The following WWOX variants were observed in gnomAD, a reference collection of about 807,000 sequenced individuals.
The protein encoded by WWOX is WW domain-containing oxidoreductase.
In WWOX, 69 loss-of-function variants were observed where a neutral mutation model predicts 46.2. The observed-to-expected ratio is 1.49, with a 90% CI of 1.23 to 1.82. The LOEUF (loss-of-function observed/expected upper bound fraction) is 1.82. WWOX is among the 40% of genes most tolerant of loss of function. The pLI is 0.00. For missense variants in WWOX, 919 were observed against 542.6 expected (o/e 1.69, Z -6.89); for synonymous variants, 359 against 202.6 (o/e 1.77, Z -6.56).
intron 8 of WWOX, among the ~76,000 whole-genome samples, chr16:78,771,459 C>A (rs1047933372): frequency 6.6e-6 from 1 of 152,128 alleles, no homozygotes; most frequent in African/African-American, 2.4e-5. Context: ...ATTAATGCCA[C>A]GGAATTGTAT....
At chr16:79,072,221 G>C (rs2048564695) in intron 8 of WWOX, among the ~76,000 whole-genome samples, 1 of 152,162 alleles carries the variant, frequency 6.6e-6, no homozygotes, top group Admixed American at 6.5e-5. Flanking sequence ...AGGGGGTTGA[G>C]GCTGCAGTGA....
At position 78,574,124 on chromosome 16, in the gene WWOX, A is replaced by G. The variant is rs1196752189; in HGVS notation, c.1056+141372A>G. On this transcript the variant is annotated intron_variant, in intron 8 of 8. Coordinates refer to ENST00000566780, the MANE Select transcript of WWOX (RefSeq NM_016373.4). ...TGGCTGGAGGTACCCCTCAGCTCCTAGAGGCATCAACAGTTCCTGAATATC... is the reference window on the plus strand; with the variant it reads ...TGGCTGGAGGTACCCCTCAGCTCCTGGAGGCATCAACAGTTCCTGAATATC... Among the ~76,000 whole-genome samples the G allele has an allele frequency of 2.0e-5, 3 of 152,156 alleles. No homozygotes were observed. The East Asian group carries it at 5.8e-4, about 29-fold the overall frequency.
intron 8 of WWOX, among the ~76,000 whole-genome samples, chr16:78,681,117 C>T (rs573313736): frequency 1.1e-4 from 16 of 152,228 alleles, no homozygotes; most frequent in African/African-American, 3.4e-4. Flanking sequence ...AGCGTGGTGG[C>T]GCATGCCTGT....
intron 8 of WWOX, among the ~76,000 whole-genome samples, chr16:79,152,961 G>A (rs920014237): frequency 3.3e-5 from 5 of 152,148 alleles, no homozygotes; most frequent in Non-Finnish European, 7.3e-5. Flanking sequence ...CCTAGCGTGA[G>A]AGTGTCAGGG....
chr16:78,829,236 C>T (rs1394677700), intron 8 of WWOX, among the ~76,000 whole-genome samples: 2 of 152,140 alleles, frequency 1.3e-5, no homozygotes, highest in Admixed American at 1.3e-4. Context: ...GCCCAGAAGT[C>T]CCAAGAAGTG....
chr16:78,508,169 T>C (rs1447323551), intron 8 of WWOX, among the ~76,000 whole-genome samples: 3 of 152,012 alleles, frequency 2.0e-5, no homozygotes. Context: ...CCACCAAGCT[T>C]TGCTAATTTT....
At chr16:79,125,593 C>A (rs965267946) in intron 8 of WWOX, among the ~76,000 whole-genome samples, 2 of 151,780 alleles carry the variant, frequency 1.3e-5, no homozygotes, top group African/African-American at 2.4e-5. Context: ...TGTAGCTGGA[C>A]CCTTGGGATG....
At chr16:78,574,817 G>C (rs1157314419) in intron 8 of WWOX, among the ~76,000 whole-genome samples, 1 of 150,176 alleles carries the variant, frequency 6.7e-6, no homozygotes, top group African/African-American at 2.4e-5. Context: ...GTGAAGTGGG[G>C]AGGTGTTGAT....
chr16:78,702,231 G>A (rs141918958), intron 8 of WWOX, among the ~76,000 whole-genome samples: 207 of 149,984 alleles, frequency 1.4e-3, no homozygotes, highest in African/African-American at 4.7e-3. Flanking sequence ...AGTGAGCAGT[G>A]ATGACTCCAC....
intron 8 of WWOX, among the ~76,000 whole-genome samples, chr16:79,174,244 C>T (rs1309144205): frequency 2.0e-5 from 3 of 152,210 alleles, no homozygotes; most frequent in African/African-American, 4.8e-5. Context: ...CAATGCTGTA[C>T]ACTTTGTTTC....
intron 6 of WWOX, among the ~76,000 whole-genome samples, chr16:78,397,408 G>T (rs2151941653): frequency 6.6e-6 from 1 of 152,282 alleles, no homozygotes; most frequent in Non-Finnish European, 1.5e-5. Flanking sequence ...AATGGCAGAA[G>T]AATGGCAGTG....
At chr16:78,171,790 G>A (rs183629947) in intron 5 of WWOX, among the ~76,000 whole-genome samples, 458 of 152,226 alleles carry the variant, frequency 3.0e-3, no homozygotes, top group Non-Finnish European at 4.3e-3. Context: ...CTGCAAACCA[G>A]CAAGAACTAT....
At chr16:78,826,509 C>G (rs1412823124) in intron 8 of WWOX, among the ~76,000 whole-genome samples, 2 of 152,168 alleles carry the variant, frequency 1.3e-5, no homozygotes, top group Non-Finnish European at 2.9e-5. Context: ...CCATATCACT[C>G]CAATCCCTGC....
In WWOX at chr16:78,342,471, G is replaced by A. The variant is rs918400161; in HGVS notation, c.517-44389G>A. 3.7e-4 allele frequency among the ~76,000 whole-genome samples: 44 copies of A among 120,060 alleles called. 13 individuals are homozygous for A. The highest frequency in any genetic ancestry group is 9.9e-5 in the Non-Finnish European group (5 of 50,378). 78.8% of individuals were successfully genotyped at this position (120,060 alleles called of 152,430 possible). Reference sequence around the variant, plus strand: ...GCATTTTTTATGGGCAGGTTTGCACGTGGCATTTGTTGCTTCCATCAACAT... The same window carrying A: ...GCATTTTTTATGGGCAGGTTTGCACATGGCATTTGTTGCTTCCATCAACAT... On this transcript the variant is annotated intron_variant, in intron 5 of 8. Transcript: ENST00000566780.
At chr16:78,483,464 A>G (rs1016233089) in intron 8 of WWOX, among the ~76,000 whole-genome samples, 1 of 149,148 alleles carries the variant, frequency 6.7e-6, no homozygotes, top group African/African-American at 2.5e-5. Context: ...GGTCTTTAGC[A>G]AAGGAAGTAA....
chr16:79,070,058 C>A (rs557795558), intron 8 of WWOX, among the ~76,000 whole-genome samples: 20 of 152,244 alleles, frequency 1.3e-4, no homozygotes, highest in African/African-American at 4.6e-4. Context: ...GCAGAATATT[C>A]CTAATATAGT....
intron 8 of WWOX, among the ~76,000 whole-genome samples, chr16:79,112,317 A>G (rs1446628978): frequency 6.6e-6 from 1 of 152,212 alleles, no homozygotes; most frequent in Admixed American, 6.5e-5. Flanking sequence ...ATGTCAAGTC[A>G]CCAAACCTTC....
chr16:79,160,682 A>C (rs2050468323), intron 8 of WWOX, among the ~76,000 whole-genome samples: 1 of 152,234 alleles, frequency 6.6e-6, no homozygotes, highest in Non-Finnish European at 1.5e-5. Flanking sequence ...CGTCCCATAC[A>C]ATCTTGGCAG....
intron 4 of WWOX, among the ~76,000 whole-genome samples, chr16:78,153,831 G>A (rs2034503582): frequency 6.6e-6 from 1 of 152,128 alleles, no homozygotes; most frequent in Non-Finnish European, 1.5e-5. Context: ...TCCACAATAT[G>A]GAGAAAATTA....
Sources: gnomAD v4.1 joint callset for allele counts (sites outside exome capture counted in the v4.1 genomes callset) on GRCh38, gnomAD v4.1.1 for gene constraint, MANE v1.5 for transcripts, NCBI Gene and HGNC (gene_info 2026-07-23, HGNC 2026-07-21) for gene names.